Variants in FBXL18 observed in about 807,000 individuals in gnomAD.
FBXL18 encodes the protein F-box/LRR-repeat protein 18.
FBXL18 carries 36 observed loss-of-function variants against 46.0 expected under a neutral mutation model. The observed-to-expected ratio is 0.78, with a 90% CI of 0.60 to 1.03. The LOEUF (loss-of-function observed/expected upper bound fraction) is 1.03, where lower values mean the gene tolerates loss of function less well. Ranked by LOEUF, FBXL18 falls within the 50% of genes least tolerant of loss-of-function variation. The pLI is 0.00. For synonymous variants in FBXL18, 557 were observed against 465.3 expected (o/e 1.20, Z -2.54); for missense variants, 977 against 1,004.1 (o/e 0.97, Z 0.36).
rs73335851 is a variant in FBXL18 at position 5,462,642 on chromosome 7, C to T, written c.2001-14799G>A. Among the ~76,000 whole-genome samples the T allele has an allele frequency of 6.1e-4, 92 of 152,046 alleles. 1 individual carries two copies. The highest frequency in any genetic ancestry group is 2.2e-3 in the African/African-American group (90 of 41,484). On this transcript the variant is annotated intron_variant and NMD_transcript_variant, in intron 4 of 6. Transcript: ENST00000415009. ...TTACTGGGGACCCAGCCGCAAATGA[C>T]ATCTTAATAACAATATGAAAATAAT... is the stretch of plus-strand genomic sequence containing the variant.
chr7:5,510,028 G>C (rs561365621), intron 1 of FBXL18, among the ~76,000 whole-genome samples: 12 of 152,214 alleles, frequency 7.9e-5, no homozygotes, highest in African/African-American at 2.9e-4. Flanking sequence ...CAGGAAGGGC[G>C]CGGTAGCTCA....
intron 1 of FBXL18, among the ~76,000 whole-genome samples, chr7:5,512,413 G>A (rs548499721): frequency 1.3e-5 from 2 of 151,754 alleles, no homozygotes; most frequent in Admixed American, 6.6e-5. Context: ...TCAGGAGTTC[G>A]AGAACAGCCT....
intron 1 of FBXL18, among the ~76,000 whole-genome samples, chr7:5,508,590 C>CAG (rs10652148): frequency 0.24 from 35,709 of 149,290 alleles, 4,664 homozygotes; most frequent in Middle Eastern, 0.3. Context: ...GCCTGGATGA[C>CAG]AGAGAGAGAC....
chr7:5,470,058 G>A (rs1472680544), intron 4 of FBXL18, among the ~76,000 whole-genome samples: 2 of 152,110 alleles, frequency 1.3e-5, no homozygotes, highest in Admixed American at 6.6e-5. Context: ...GTGCACATGC[G>A]TGTGCGTGTG....
chr7:5,474,193 T>G (rs1584192058), downstream of FBXL18, among the ~76,000 whole-genome samples: 1 of 150,782 alleles, frequency 6.6e-6, no homozygotes, highest in African/African-American at 2.4e-5. Flanking sequence ...GGCTGGGGAG[T>G]GAATGTTTAA....
chr7:5,493,705 G>C (rs1021183261), intron 3 of FBXL18, among the ~76,000 whole-genome samples: 1 of 149,182 alleles, frequency 6.7e-6, no homozygotes, highest in Non-Finnish European at 1.5e-5. Flanking sequence ...GTGGAGACAG[G>C]GGTCTCACTA....
intron 4 of FBXL18, among the ~76,000 whole-genome samples, chr7:5,466,245 T>C (rs1484654741): frequency 1.3e-5 from 2 of 151,830 alleles, no homozygotes; most frequent in African/African-American, 2.4e-5. Context: ...ACGGTGTTAA[T>C]TACCACACAG....
chr7:5,491,495 A>G, intron 3 of FBXL18, 46 bp from the exon 4 acceptor site: 1 of 1,481,186 alleles, frequency 6.8e-7, no homozygotes. Context: ...AGGGGCTCGC[A>G]GGCCAGGCCA....
At chr7:5,509,118 G>A (rs148306496) in intron 1 of FBXL18, among the ~76,000 whole-genome samples, 86 of 151,346 alleles carry the variant, frequency 5.7e-4, no homozygotes, top group African/African-American at 1.8e-3. Flanking sequence ...GCTTGAACCC[G>A]GGAGGTGAAG....
intron 4 of FBXL18, among the ~76,000 whole-genome samples, chr7:5,462,963 AAAAAAAATATAT>A (rs1783273579): frequency 4.9e-5 from 1 of 20,212 alleles, no homozygotes; most frequent in African/African-American, 1.1e-4. Context: ...AAAAAAAAAA[AAAAAAAATATAT>A]ATATATATAT....
At chr7:5,473,155 C>T (rs933689281), downstream of FBXL18, among the ~76,000 whole-genome samples, 15 of 152,158 alleles carry the variant, frequency 9.9e-5, no homozygotes, top group African/African-American at 1.7e-4. Flanking sequence ...CTGCAGGCAA[C>T]GGCTCAGACA....
At position 5,479,828 on chromosome 7, in the gene FBXL18, C is replaced by T. The variant is rs1307557325; in HGVS notation, c.*1947G>A. 1 of 152,434 alleles carries T rather than the reference C, an allele frequency of 6.6e-6. No homozygotes were observed. The highest frequency in any genetic ancestry group is 2.4e-5 in the African/African-American group (1 of 41,450). The allele number at this position is 152,434 out of a possible 1,614,324, so 9.4% of individuals were successfully genotyped here. A position where few individuals can be genotyped will look rare whatever the true frequency, so the allele number is the denominator to read the frequency against. On this transcript the variant is annotated 3_prime_UTR_variant, in exon 5 of 5. Coordinates refer to ENST00000382368, the MANE Select transcript of FBXL18 (RefSeq NM_024963.6). ...GTTCTGCACTGGGTGCAGCCTGGGG[C>T]TGGGAGAGGACCCGTGGGCTTCAGA... is the stretch of plus-strand genomic sequence containing the variant.
chr7:5,462,926 G>A, intron 4 of FBXL18, among the ~76,000 whole-genome samples: 1 of 120,932 alleles, frequency 8.3e-6, no homozygotes, highest in Non-Finnish European at 1.7e-5. Context: ...ACTCCAGCCT[G>A]GGCGACAGAG....
chr7:5,458,621 C>T (rs1407367254), intron 4 of FBXL18, among the ~76,000 whole-genome samples: 2 of 151,838 alleles, frequency 1.3e-5, no homozygotes, highest in African/African-American at 2.4e-5. Context: ...TCGCTTAACT[C>T]GGGAGGCAGA....
chr7:5,493,451 G>T (rs535152252), intron 3 of FBXL18, among the ~76,000 whole-genome samples: 1 of 151,364 alleles, frequency 6.6e-6, no homozygotes, highest in Non-Finnish European at 1.5e-5. Context: ...GCCTGCCACC[G>T]CACCCAGCTA....
At chr7:5,475,243 A>G (rs1267142195), downstream of FBXL18, among the ~76,000 whole-genome samples, 1 of 151,774 alleles carries the variant, frequency 6.6e-6, no homozygotes, top group African/African-American at 2.4e-5. The surrounding 1 kb of genome is among the most constrained non-coding windows in gnomAD (Gnocchi z 4.2). Flanking sequence ...AATCGCTTGA[A>G]CCCAGGAGGC....
chr7:5,501,070 C>A lies in FBXL18; in HGVS notation c.1199G>T (p.Gly400Val). 6.2e-7 allele frequency: 1 copy of A among 1,610,514 alleles called. No individual in the cohort carries two copies. Among genetic ancestry groups the A allele is most frequent in the Non-Finnish European group, 8.5e-7 (1 of 1,179,372 alleles). Reference protein sequence around the residue: ...LSAAHHHSSEGLGRHLCQLLA... With the variant: ...LSAAHHHSSEVLGRHLCQLLA... ...GAGCTGGCAGAGGTGGCGGCCCAGG[C>A]CCTCCGAGCTGTGGTGGTGGGCGGC... The change falls in exon 3 of 5, where the codon GGC (glycine) becomes GTC (valine). Residue 400 changes from glycine (G) to valine (V), a missense_variant. Gly to Val is a moderately radical substitution (Grantham distance 109, BLOSUM62 -3). Coordinates refer to ENST00000382368, the MANE Select transcript of FBXL18 (RefSeq NM_024963.6).
intron 2 of FBXL18, among the ~76,000 whole-genome samples, chr7:5,502,964 T>C (rs1032856198): frequency 2.6e-5 from 4 of 152,308 alleles, no homozygotes; most frequent in African/African-American, 9.6e-5. Context: ...CTCCCTACTC[T>C]GTGCCTGTTC....
chr7:5,491,506 G>A lies in FBXL18; in HGVS notation c.1782-57C>T, dbSNP rs1393776996. The stretch of plus-strand genomic sequence containing the variant: ...AGGGAGGGGCTCGCAGGCCAGGCCA[G>A]CTGGGCGTCTGGAGGTGCTGCCAGT... On this transcript the variant is annotated intron_variant, in intron 3 of 4. Coordinates refer to ENST00000382368, the MANE Select transcript of FBXL18 (RefSeq NM_024963.6). 5 of 1,443,310 alleles carry A rather than the reference G, an allele frequency of 3.5e-6. No individual in the cohort carries two copies. The Admixed American group carries it at 8.6e-5, about 25-fold the overall frequency. 89.4% of individuals were successfully genotyped at this position (1,443,310 alleles called of 1,614,324 possible).
Sources: gnomAD v4.1 joint callset for allele counts (sites outside exome capture counted in the v4.1 genomes callset) on GRCh38, gnomAD v4.1.1 for gene constraint, Gnocchi (gnomAD v3.1) non-coding constraint, MANE v1.5 for transcripts, NCBI Gene and HGNC (gene_info 2026-07-23, HGNC 2026-07-21) for gene names.